The following GPSM2 variants were observed in gnomAD, a reference collection of about 807,000 sequenced individuals.
GPSM2 encodes the protein G protein-signaling modulator 2.
GPSM2 carries 58 observed loss-of-function variants against 78.4 expected under a neutral mutation model. The ratio of observed to expected loss-of-function variants is 0.74; its 90% CI spans 0.60 to 0.92. The LOEUF (loss-of-function observed/expected upper bound fraction) is 0.92. GPSM2 is among the 40% of genes least tolerant of loss of function. The pLI is 0.00. For synonymous variants in GPSM2, 224 were observed against 280.2 expected (o/e 0.80, Z 2.00); for missense variants, 700 against 815.5 (o/e 0.86, Z 1.73).
chr1:108,927,622 T>C (rs1371775141), intron 14 of GPSM2, among the ~76,000 whole-genome samples: 1 of 152,078 alleles, frequency 6.6e-6, no homozygotes, highest in African/African-American at 2.4e-5. Flanking sequence ...CCTTACCTAA[T>C]ACCATATGCA....
intron 2 of GPSM2, among the ~76,000 whole-genome samples, chr1:108,892,457 ACT>A (rs1159912708): frequency 1.8e-4 from 28 of 152,184 alleles, no homozygotes; most frequent in Admixed American, 1.8e-3. Flanking sequence ...TAAAATGTTC[ACT>A]CTATTAGCAA....
intron 10 of GPSM2, among the ~76,000 whole-genome samples, chr1:108,906,628 A>C (rs1250344078): frequency 1.3e-5 from 2 of 149,602 alleles, no homozygotes; most frequent in Non-Finnish European, 3.0e-5. Flanking sequence ...TGTAATCCCC[A>C]ACACTTCAGG....
chr1:108,880,856 G>A (rs939858720), intron 1 of GPSM2, among the ~76,000 whole-genome samples: 2 of 152,138 alleles, frequency 1.3e-5, no homozygotes, highest in Non-Finnish European at 2.9e-5. Flanking sequence ...CAAAGAAACA[G>A]ACCAAAAGTT....
chr1:108,914,970 A>T (rs1650066632), intron 11 of GPSM2, among the ~76,000 whole-genome samples: 1 of 151,948 alleles, frequency 6.6e-6, no homozygotes, highest in East Asian at 1.9e-4. Flanking sequence ...CTTGCAGGAG[A>T]GGGGTGCACA....
chr1:108,895,956 T>C (rs545406935), intron 2 of GPSM2, among the ~76,000 whole-genome samples: 1 of 152,266 alleles, frequency 6.6e-6, no homozygotes, highest in East Asian at 1.9e-4. Context: ...TTTTTTAAAA[T>C]GATAAGTTAA....
chr1:108,898,981 T>TC lies in GPSM2; in HGVS notation c.785dup (p.Glu263GlyfsTer14). 1 of 1,554,780 alleles carries TC rather than the reference T, an allele frequency of 6.4e-7. No individual in the cohort carries two copies. The highest frequency in any genetic ancestry group is 2.2e-5 in the East Asian group (1 of 44,552). ...ATTTCTTGGTGAATTTGAAACTGCCTCGGAATACTACAAGTTAGTCTAATA... is the reference window on the plus strand; with the variant it reads ...ATTTCTTGGTGAATTTGAAACTGCCTCCGGAATACTACAAGTTAGTCTAATA... On this transcript the variant is annotated frameshift_variant, in exon 7 of 15. Coordinates refer to ENST00000264126, the MANE Select transcript of GPSM2 (RefSeq NM_013296.5). LOFTEE classifies it high-confidence loss of function.
chr1:108,903,633 C>G (rs1435922843), intron 9 of GPSM2, among the ~76,000 whole-genome samples: 2 of 152,168 alleles, frequency 1.3e-5, no homozygotes, highest in Non-Finnish European at 2.9e-5. Flanking sequence ...CTCAGTTTCT[C>G]TCATCTGCAT....
chr1:108,933,113 A>T lies in GPSM2; in HGVS notation c.*3173A>T, dbSNP rs998718967. On this transcript the variant is annotated 3_prime_UTR_variant, in exon 15 of 15. Coordinates refer to ENST00000264126, the MANE Select transcript of GPSM2 (RefSeq NM_013296.5). ...CGATCATCCTCCCTCAACCTTCCAA[A>T]GTGCTAGGACTGTAGGCATGAGCCA... 6.6e-6 allele frequency: 1 copy of T among 151,834 alleles called. No homozygotes were observed. The highest frequency in any genetic ancestry group is 1.5e-5 in the Non-Finnish European group (1 of 68,028). The allele number at this position is 151,834 out of a possible 1,614,324, so 9.4% of individuals were successfully genotyped here.
chr1:108,896,609 A>G (rs925354275), intron 2 of GPSM2, among the ~76,000 whole-genome samples: 2 of 152,198 alleles, frequency 1.3e-5, no homozygotes, highest in Admixed American at 6.5e-5. Flanking sequence ...GCTCTGGGCC[A>G]ATTAAAATGA....
chr1:108,925,990 A>G (rs943868006), intron 14 of GPSM2, among the ~76,000 whole-genome samples: 7 of 152,154 alleles, frequency 4.6e-5, no homozygotes, highest in African/African-American at 1.7e-4. Context: ...GGGAGCAAGT[A>G]GGAATTCTCT....
In GPSM2 at chr1:108,931,142, A is replaced by G; in HGVS notation, c.*1202A>G. 1.7e-6 allele frequency: 1 copy of G among 587,162 alleles called. No homozygotes were observed. The highest frequency in any genetic ancestry group is 2.8e-6 in the Non-Finnish European group (1 of 363,514). 36.4% of individuals were successfully genotyped at this position (587,162 alleles called of 1,614,324 possible). A position where few individuals can be genotyped will look rare whatever the true frequency, so the allele number is the denominator to read the frequency against. On this transcript the variant is annotated 3_prime_UTR_variant, in exon 15 of 15. Transcript: ENST00000264126. The stretch of plus-strand genomic sequence containing the variant: ...GTTCCATAATACTGCTGTAAAACAA[A>G]CTTTTCTAAGTTCTAATATAAAAAC...
intron 11 of GPSM2, among the ~76,000 whole-genome samples, chr1:108,917,595 T>TACACACACACAC (rs71593443): frequency 5.9e-4 from 34 of 57,270 alleles, no homozygotes; most frequent in Admixed American, 2.1e-3. Context: ...AACAAATGTA[T>TACACACACACAC]ACACACACAC....
intron 7 of GPSM2, among the ~76,000 whole-genome samples, chr1:108,899,578 T>G (rs570988352): frequency 1.3e-4 from 20 of 152,208 alleles, no homozygotes; most frequent in Non-Finnish European, 2.8e-4. Flanking sequence ...AATCCCAGCT[T>G]CTTCTGTGGC....
At chr1:108,918,079 T>C (rs557992350) in intron 11 of GPSM2, among the ~76,000 whole-genome samples, 2 of 152,290 alleles carry the variant, frequency 1.3e-5, no homozygotes, top group African/African-American at 4.8e-5. Flanking sequence ...ACTCAATAAA[T>C]GTTATTTTGT....
intron 14 of GPSM2, 164 bp downstream of exon 14, chr1:108,924,378 A>C (rs1175967605): frequency 2.0e-5 from 14 of 696,752 alleles, no homozygotes; most frequent in Admixed American, 4.2e-5. Flanking sequence ...TTCAGCTGCT[A>C]TTCTAGGCAT....
At chr1:108,911,022 GA>G (rs1395211989) in intron 10 of GPSM2, among the ~76,000 whole-genome samples, 1 of 151,946 alleles carries the variant, frequency 6.6e-6, no homozygotes, top group Non-Finnish European at 1.5e-5. Context: ...ACTATTAAAT[GA>G]AAATATTCCA....
Position 108,898,609 on chromosome 1 carries a change from C to G in GPSM2, c.558-33C>G, listed in dbSNP as rs1319084090. On this transcript the variant is annotated intron_variant, in intron 5 of 14. Coordinates refer to ENST00000264126, the MANE Select transcript of GPSM2 (RefSeq NM_013296.5). Reference sequence around the variant, plus strand: ...CACATACATAAAATTGTTCTGCAAACTTATTTTTTCATCACTTTTTGCGAT... The same window carrying G: ...CACATACATAAAATTGTTCTGCAAAGTTATTTTTTCATCACTTTTTGCGAT... 5.6e-6 allele frequency: 9 copies of G among 1,609,950 alleles called. No homozygotes were observed. In the South Asian group the frequency reaches 9.9e-5, roughly 18 times the overall value.
At chr1:108,911,940 G>T (rs1404158244) in intron 10 of GPSM2, among the ~76,000 whole-genome samples, 1 of 151,438 alleles carries the variant, frequency 6.6e-6, no homozygotes, top group Non-Finnish European at 1.5e-5. Context: ...TGAGTAGCTG[G>T]GACTATAAGG....
At chr1:108,889,007 G>T (rs1332663654) in intron 2 of GPSM2, among the ~76,000 whole-genome samples, 1 of 152,128 alleles carries the variant, frequency 6.6e-6, no homozygotes, top group African/African-American at 2.4e-5. Flanking sequence ...TCTGTATCCA[G>T]CATGAAGTAT....
Sources: allele counts gnomAD v4.1 joint callset (sites outside exome capture counted in the v4.1 genomes callset), GRCh38; gene constraint gnomAD v4.1.1; transcripts MANE v1.5; gene names NCBI Gene and HGNC (gene_info 2026-07-23, HGNC 2026-07-21).